The following RGS6 variants were observed in gnomAD, a reference collection of about 807,000 sequenced individuals.
RGS6 encodes the protein regulator of G-protein signaling 6.
Under a neutral mutation model 78.5 loss-of-function variants are expected in RGS6, and 30 were observed. The observed-to-expected ratio is 0.38, with a 90% CI of 0.29 to 0.52. The LOEUF (loss-of-function observed/expected upper bound fraction) is 0.52, where lower values mean the gene tolerates loss of function less well. Ranked by LOEUF, RGS6 falls within the 20% of genes least tolerant of loss-of-function variation. The pLI, the probability that RGS6 is intolerant of heterozygous loss-of-function variation, is 0.85. For missense variants in RGS6, 495 were observed against 609.7 expected, an observed-to-expected ratio of 0.81 and a Z score of 1.98; for synonymous variants, 206 against 206.0, an observed-to-expected ratio of 1.00 and a Z score of 0.00.
intron 2 of RGS6, among the ~76,000 whole-genome samples, chr14:72,177,290 G>T (rs1415007237): frequency 6.6e-6 from 1 of 152,130 alleles, no homozygotes; most frequent in Non-Finnish European, 1.5e-5. Flanking sequence ...AGGCCTATTT[G>T]TATCTTTATA....
At chr14:72,610,614 TG>T in the RGS6 span, among the ~76,000 whole-genome samples, 834 of 152,378 alleles carry the variant, frequency 5.5e-3, 9 homozygotes, top group Middle Eastern at 0.014. Context: ...GGTCTAGTTC[TG>T]GCTTTTGTGA....
chr14:72,584,036 AG>A, the RGS6 span, among the ~76,000 whole-genome samples: 1 of 152,236 alleles, frequency 6.6e-6, no homozygotes, highest in African/African-American at 2.4e-5. Context: ...CCAAGGAAGC[AG>A]GGGGTGCATC....
intron 2 of RGS6, among the ~76,000 whole-genome samples, chr14:72,248,054 A>G (rs982216730): frequency 2.6e-5 from 4 of 152,270 alleles, no homozygotes; most frequent in African/African-American, 9.6e-5. Context: ...AGTGAAAGCC[A>G]TCTCTATTTG....
chr14:72,231,821 C>T (rs1369230276), intron 2 of RGS6, among the ~76,000 whole-genome samples: 1 of 151,860 alleles, frequency 6.6e-6, no homozygotes, highest in African/African-American at 2.4e-5. Flanking sequence ...GAGGCTGCTT[C>T]TCCCTGTAAG....
At chr14:72,026,388 C>A (rs1055255508) in intron 2 of RGS6, among the ~76,000 whole-genome samples, 2 of 152,022 alleles carry the variant, frequency 1.3e-5, no homozygotes, top group African/African-American at 4.8e-5. Context: ...GCCTGGGTGA[C>A]AGACAGAGAC....
At chr14:72,383,812 C>T (rs114062437) in intron 3 of RGS6, among the ~76,000 whole-genome samples, 3,926 of 151,874 alleles carry the variant, frequency 0.026, 85 homozygotes, top group Middle Eastern at 0.082. Context: ...TGGGGGGGGA[C>T]GGTAGAGATT....
At chr14:72,311,040 G>T (rs2068491064) in intron 2 of RGS6, among the ~76,000 whole-genome samples, 1 of 152,228 alleles carries the variant, frequency 6.6e-6, no homozygotes, top group Non-Finnish European at 1.5e-5. Context: ...AATACAGAAA[G>T]GGAGGGAAGC....
At chr14:72,076,031 C>CA (rs1350134348) in intron 2 of RGS6, among the ~76,000 whole-genome samples, 1 of 152,192 alleles carries the variant, frequency 6.6e-6, no homozygotes, top group African/African-American at 2.4e-5. Context: ...AAAACCCTCC[C>CA]AAACTCCTAC....
intron 2 of RGS6, among the ~76,000 whole-genome samples, chr14:72,169,245 C>T: frequency 6.6e-6 from 1 of 152,082 alleles, no homozygotes; most frequent in East Asian, 1.9e-4. Context: ...ATGATGTAGG[C>T]TCAGGAATAC....
chr14:71,937,294 G>C (rs2089627524), intron 1 of RGS6, among the ~76,000 whole-genome samples: 1 of 152,174 alleles, frequency 6.6e-6, no homozygotes, highest in African/African-American at 2.4e-5. Context: ...CTGGAACTAA[G>C]ATCTCTAGGC....
chr14:72,213,981 G>T (rs1043683304), intron 2 of RGS6, among the ~76,000 whole-genome samples: 1 of 152,084 alleles, frequency 6.6e-6, no homozygotes, highest in Non-Finnish European at 1.5e-5. Flanking sequence ...TTGTGCTGAA[G>T]AGGTAGTTGT....
At chr14:72,340,602 G>A (rs2076816784) in intron 2 of RGS6, among the ~76,000 whole-genome samples, 1 of 152,192 alleles carries the variant, frequency 6.6e-6, no homozygotes, top group Non-Finnish European at 1.5e-5. Context: ...TGAAGGGAGA[G>A]GGGAGGGTCT....
chr14:72,078,717 C>A (rs762990243), intron 2 of RGS6, among the ~76,000 whole-genome samples: 1 of 152,156 alleles, frequency 6.6e-6, no homozygotes, highest in African/African-American at 2.4e-5. Flanking sequence ...TGCGCCCGGC[C>A]AGGTATTTCT....
intron 12 of RGS6, among the ~76,000 whole-genome samples, chr14:72,482,306 AT>A (rs2096397854): frequency 1.3e-5 from 2 of 152,146 alleles, no homozygotes; most frequent in African/African-American, 2.4e-5. Context: ...GCCCCAGATA[AT>A]AATATTCTTT....
At chr14:71,921,222 A>G in the RGS6 span, among the ~76,000 whole-genome samples, 3 of 152,356 alleles carry the variant, frequency 2.0e-5, no homozygotes, top group South Asian at 6.2e-4. Flanking sequence ...AAGGGTGTGA[A>G]GAAAGGGAAT....
intron 3 of RGS6, among the ~76,000 whole-genome samples, chr14:72,414,590 T>C (rs934366980): frequency 6.6e-6 from 1 of 152,240 alleles, no homozygotes; most frequent in African/African-American, 2.4e-5. Flanking sequence ...TCCAGCTGTG[T>C]TCCGTTGCTG....
chr14:71,867,750 G>A, the RGS6 span, among the ~76,000 whole-genome samples: 2 of 152,174 alleles, frequency 1.3e-5, no homozygotes, highest in Admixed American at 6.5e-5. Context: ...TAGAGGTACA[G>A]AAAATAGATA....
At chr14:72,313,623 T>C (rs2069224290) in intron 2 of RGS6, among the ~76,000 whole-genome samples, 1 of 152,068 alleles carries the variant, frequency 6.6e-6, no homozygotes, top group South Asian at 2.1e-4. Flanking sequence ...TAAGAGAAGC[T>C]AGCTTATCTA....
At chr14:72,110,201 C>T (rs2078007575) in intron 2 of RGS6, among the ~76,000 whole-genome samples, 1 of 152,064 alleles carries the variant, frequency 6.6e-6, no homozygotes, top group Admixed American at 6.5e-5. Flanking sequence ...CTTATTTAAC[C>T]CTCACCACCT....
Sources: gnomAD v4.1 joint callset for allele counts (sites outside exome capture counted in the v4.1 genomes callset) on GRCh38, gnomAD v4.1.1 for gene constraint, MANE v1.5 for transcripts, NCBI Gene and HGNC (gene_info 2026-07-23, HGNC 2026-07-21) for gene names.